The following KCTD8 variants were observed in gnomAD, a reference collection of about 807,000 sequenced individuals.
KCTD8 encodes the protein potassium channel tetramerization domain containing 8.
KCTD8 carries 27 observed loss-of-function variants against 31.5 expected under a neutral mutation model. The ratio of observed to expected loss-of-function variants is 0.86; its 90% confidence interval spans 0.63 to 1.18. The LOEUF is 1.18. Ranked by LOEUF, KCTD8 falls within the 50% of genes most tolerant of loss-of-function variation. KCTD8 has a pLI of 0.00. For missense variants in KCTD8, 658 were observed against 647.7 expected (o/e 1.02, Z -0.17); for synonymous variants, 290 against 280.0 (o/e 1.04, Z -0.36).
intron 1 of KCTD8, among the ~76,000 whole-genome samples, chr4:44,235,578 T>TATATATATAGAG (rs1553895183): frequency 3.1e-5 from 2 of 64,104 alleles, no homozygotes; most frequent in Admixed American, 1.8e-4. Flanking sequence ...TATATATATT[T>TATATATATAGAG]AGAGAGAGAG....
At chr4:44,406,958 A>C (rs958230558) in intron 1 of KCTD8, among the ~76,000 whole-genome samples, 1 of 152,224 alleles carries the variant, frequency 6.6e-6, no homozygotes, top group African/African-American at 2.4e-5. Flanking sequence ...CTTGAATGCT[A>C]AATGCATATA....
At chr4:44,354,028 T>C (rs1719282063) in intron 1 of KCTD8, among the ~76,000 whole-genome samples, 1 of 152,118 alleles carries the variant, frequency 6.6e-6, no homozygotes, top group Non-Finnish European at 1.5e-5. Context: ...CAAACAAAAG[T>C]TATTTTTCTA....
chr4:44,365,995 G>A (rs748730662), intron 1 of KCTD8, among the ~76,000 whole-genome samples: 3 of 152,038 alleles, frequency 2.0e-5, no homozygotes, highest in Non-Finnish European at 4.4e-5. Flanking sequence ...ATTACAAATC[G>A]AGTTTGTAAA....
intron 1 of KCTD8, among the ~76,000 whole-genome samples, chr4:44,308,998 C>T (rs1475258651): frequency 6.6e-6 from 1 of 151,974 alleles, no homozygotes; most frequent in Admixed American, 6.6e-5. Flanking sequence ...AGACAAATAA[C>T]ATTTATTTAC....
intron 1 of KCTD8, among the ~76,000 whole-genome samples, chr4:44,284,502 C>G (rs1404475060): frequency 6.6e-6 from 1 of 152,144 alleles, no homozygotes; most frequent in African/African-American, 2.4e-5. Flanking sequence ...AATGTAAGAT[C>G]TAGGATCACA....
chr4:44,433,528 C>T (rs1295578925), intron 1 of KCTD8, among the ~76,000 whole-genome samples: 1 of 151,520 alleles, frequency 6.6e-6, no homozygotes, highest in East Asian at 1.9e-4. Context: ...TTTTACACTC[C>T]CAAAGAAAAA....
At chr4:44,392,811 T>C (rs1720406308) in intron 1 of KCTD8, among the ~76,000 whole-genome samples, 1 of 152,040 alleles carries the variant, frequency 6.6e-6, no homozygotes, top group South Asian at 2.1e-4. Context: ...CATCATAATT[T>C]CTGTCTTGAA....
chr4:44,443,618 C>A (rs758528102), intron 1 of KCTD8, among the ~76,000 whole-genome samples: 71 of 152,236 alleles, frequency 4.7e-4, no homozygotes, highest in Non-Finnish European at 7.6e-4. Context: ...AAAAGATATA[C>A]CAAATTTAAA....
intron 1 of KCTD8, among the ~76,000 whole-genome samples, chr4:44,222,426 G>C (rs760891577): frequency 5.3e-5 from 8 of 152,190 alleles, no homozygotes; most frequent in Non-Finnish European, 1.0e-4. Context: ...CTGTGCAGGA[G>C]TAGCTAGCAC....
At chr4:44,336,136 C>T (rs1054502063) in intron 1 of KCTD8, among the ~76,000 whole-genome samples, 1 of 98,424 alleles carries the variant, frequency 1.0e-5, no homozygotes. Flanking sequence ...GGCGACAGAG[C>T]GAGACTCCGT....
chr4:44,204,329 CCA>C (rs1394035285), intron 1 of KCTD8, among the ~76,000 whole-genome samples: 1 of 152,124 alleles, frequency 6.6e-6, no homozygotes, highest in Non-Finnish European at 1.5e-5. Flanking sequence ...GAAATGAAAT[CCA>C]CAGGCAGACA....
At chr4:44,375,921 TGGAG>T (rs1344270228) in intron 1 of KCTD8, among the ~76,000 whole-genome samples, 1 of 151,162 alleles carries the variant, frequency 6.6e-6, no homozygotes, top group Admixed American at 6.6e-5. Context: ...CAGCAAGGGT[TGGAG>T]GAAGTATTTT....
intron 1 of KCTD8, chr4:44,293,371 T>C (rs1348419997): frequency 2.4e-6 from 1 of 421,704 alleles, no homozygotes; most frequent in African/African-American, 2.1e-5. Context: ...GATTAATTTA[T>C]CTGCCATACT....
chr4:44,229,956 T>C (rs1715074737), intron 1 of KCTD8, among the ~76,000 whole-genome samples: 1 of 151,902 alleles, frequency 6.6e-6, no homozygotes, highest in Non-Finnish European at 1.5e-5. Flanking sequence ...TAGGTATTTC[T>C]CCTAATGCTC....
At chr4:44,410,052 T>C (rs934803819) in intron 1 of KCTD8, among the ~76,000 whole-genome samples, 2 of 152,166 alleles carry the variant, frequency 1.3e-5, no homozygotes, top group Admixed American at 6.5e-5. Flanking sequence ...AATTTAGCTA[T>C]TTTCCGCAAA....
At chr4:44,310,688 T>C (rs1489117067) in intron 1 of KCTD8, among the ~76,000 whole-genome samples, 1 of 152,068 alleles carries the variant, frequency 6.6e-6, no homozygotes, top group Non-Finnish European at 1.5e-5. Flanking sequence ...AAAACATAAT[T>C]AGTTACCACC....
chr4:44,300,266 C>T (rs1315893296), intron 1 of KCTD8, among the ~76,000 whole-genome samples: 2 of 152,012 alleles, frequency 1.3e-5, no homozygotes, highest in East Asian at 1.9e-4. Flanking sequence ...TTCCCAATCA[C>T]GATTTTTATC....
intron 1 of KCTD8, among the ~76,000 whole-genome samples, chr4:44,299,330 C>G (rs554481476): frequency 6.6e-6 from 1 of 152,184 alleles, no homozygotes; most frequent in Non-Finnish European, 1.5e-5. Flanking sequence ...ACCCACCAAG[C>G]CTTCTTCCAT....
At chr4:44,237,011 C>T (rs1248412095) in intron 1 of KCTD8, among the ~76,000 whole-genome samples, 1 of 152,208 alleles carries the variant, frequency 6.6e-6, no homozygotes, top group African/African-American at 2.4e-5. Flanking sequence ...CCACATGGAA[C>T]TGTGAGTCCA....
Sources: allele counts gnomAD v4.1 joint callset (sites outside exome capture counted in the v4.1 genomes callset), GRCh38; gene constraint gnomAD v4.1.1; transcripts MANE v1.5; gene names NCBI Gene and HGNC (gene_info 2026-07-23, HGNC 2026-07-21).